RP1: variants seen among roughly 807,000 people sequenced by gnomAD.
RP1 encodes the protein RP1 axonemal microtubule associated.
A neutral mutation model predicts 14.8 loss-of-function variants in RP1; 16 were observed. The observed-to-expected ratio is 1.08, with a 90% CI of 0.73 to 1.65. RP1 has a LOEUF of 1.65. Ranked by LOEUF, RP1 falls within the 40% of genes most tolerant of loss-of-function variation. RP1 has a pLI of 0.00. For missense variants in RP1, 2,631 were observed against 2,535.0 expected (o/e 1.04, Z -0.81); for synonymous variants, 876 against 883.6 (o/e 0.99, Z 0.15).
Position 54,628,750 on chromosome 8 carries a change from A to G in RP1, c.4868A>G (p.Tyr1623Cys). The change falls in exon 4 of 4, where the codon TAT becomes TGT. Residue 1623 changes from tyrosine (Y) to cysteine (C), a missense_variant. Transcript: ENST00000220676. ...DSGELTQEKE[Y>C]NIGFVKRAIE... ...GGCGAACTTACCCAAGAGAAAGAAT[A>G]TAACATAGGATTTGTTAAAAGGGCA... The G allele has an allele frequency of 6.2e-7, 1 of 1,614,130 alleles. No homozygotes were observed. Among genetic ancestry groups the G allele is most frequent in the Non-Finnish European group, 8.5e-7 (1 of 1,179,984 alleles).
At position 54,863,044 on chromosome 8, in the gene RP1, G is replaced by GATATATATATATAT. The variant is rs61233765; in HGVS notation, c.4070-2770_4070-2757dup. ...CTCTACCCCCAGAGTATTCCAAATG[G>GATATATATATATAT]ATATATATATATATATATATATATA... On this transcript the variant is annotated intron_variant, in intron 27 of 28. Coordinates refer to the RP1 transcript ENST00000637698. 1.9e-4 allele frequency among the ~76,000 whole-genome samples: 19 copies of GATATATATATATAT among 101,846 alleles called. 1 individual carries two copies. Among genetic ancestry groups the GATATATATATATAT allele is most frequent in the East Asian group, 6.7e-4 (2 of 2,976 alleles). 66.8% of individuals were successfully genotyped at this position (101,846 alleles called of 152,430 possible).
intron 1 of RP1, among the ~76,000 whole-genome samples, chr8:54,586,422 C>T (rs1804924188): frequency 6.6e-6 from 1 of 152,156 alleles, no homozygotes; most frequent in Non-Finnish European, 1.5e-5. Context: ...GGGGTGCCTC[C>T]CAGTTAGGCT....
intron 3 of RP1, among the ~76,000 whole-genome samples, chr8:54,638,049 C>T (rs535047570): frequency 4.6e-5 from 7 of 152,276 alleles, no homozygotes; most frequent in Non-Finnish European, 1.0e-4. Context: ...CCCTCAGCAA[C>T]ATCCTGGGAA....
chr8:54,856,261 A>G lies in RP1; in HGVS notation c.3991-767A>G, dbSNP rs115412011. On this transcript the variant is annotated intron_variant, in intron 26 of 28. Coordinates refer to the RP1 transcript ENST00000637698. ...CAAGGCAAAACAAAATAAAAGTGCT[A>G]AAAGTCAAGATAGTGGATATCGTTT... Among the ~76,000 whole-genome samples, 167 of 152,252 alleles carry G rather than the reference A, an allele frequency of 1.1e-3. 1 individual carries two copies. The highest frequency in any genetic ancestry group is 3.8e-3 in the African/African-American group (159 of 41,548).
chr8:54,731,280 T>C (rs1808788488), intron 17 of RP1, among the ~76,000 whole-genome samples: 1 of 152,182 alleles, frequency 6.6e-6, no homozygotes, highest in African/African-American at 2.4e-5. Flanking sequence ...TTTAATTAAA[T>C]TGTTCAGTCA....
At chr8:54,761,680 A>C (rs1193538349) in intron 22 of RP1, among the ~76,000 whole-genome samples, 4 of 152,212 alleles carry the variant, frequency 2.6e-5, no homozygotes, top group Non-Finnish European at 5.9e-5. Flanking sequence ...ACAATCCCAA[A>C]TAATGTAACA....
At chr8:54,581,096 C>G (rs775910460) in intron 1 of RP1, among the ~76,000 whole-genome samples, 7 of 152,008 alleles carry the variant, frequency 4.6e-5, no homozygotes, top group Non-Finnish European at 5.9e-5. Flanking sequence ...TGTTGGTGTG[C>G]TGCACCCATT....
At chr8:54,759,175 T>C (rs1809580298) in intron 22 of RP1, 1 of 1,214,208 alleles carries the variant, frequency 8.2e-7, no homozygotes, top group African/African-American at 1.6e-5. Flanking sequence ...TGTGTGTGTG[T>C]ATCTTTTAGG....
chr8:54,580,991 T>C (rs1409523206), intron 1 of RP1, among the ~76,000 whole-genome samples: 1 of 146,272 alleles, frequency 6.8e-6, no homozygotes, highest in Non-Finnish European at 1.6e-5. Context: ...AAATTCTTTT[T>C]ATTTATTTAT....
At chr8:54,829,828 A>G (rs11994117) in intron 24 of RP1, among the ~76,000 whole-genome samples, 46,509 of 152,062 alleles carry the variant, frequency 0.31, 7,313 homozygotes, top group South Asian at 0.37. Flanking sequence ...TTATTTGATC[A>G]AAAATTTACT....
rs180919903 is a variant in RP1 at position 54,636,166 on chromosome 8, A to G, written c.788-12819A>G. On this transcript the variant is annotated intron_variant, in intron 3 of 22. Transcript: ENST00000636932. ...CCTTCTTTTTGGTCAGAGCTATCTT[A>G]GAGAGTGGCTGTCTTGACAGGAATA... 9.2e-5 allele frequency among the ~76,000 whole-genome samples: 14 copies of G among 152,362 alleles called. No individual in the cohort carries two copies. In the East Asian group the frequency reaches 2.3e-3, roughly 25 times the overall value.
At chr8:54,725,937 T>A (rs1808644078) in intron 16 of RP1, among the ~76,000 whole-genome samples, 1 of 152,244 alleles carries the variant, frequency 6.6e-6, no homozygotes, top group Admixed American at 6.5e-5. Context: ...GTGTATATTT[T>A]GTTGATTCAT....
chr8:54,626,361 G>C lies in RP1; in HGVS notation c.2479G>C (p.Glu827Gln), dbSNP rs770102852. 12 of 1,613,254 alleles carry C rather than the reference G, an allele frequency of 7.4e-6. No homozygotes were observed. Among genetic ancestry groups the C allele is most frequent in the Non-Finnish European group, 1.0e-5 (12 of 1,179,844 alleles). The change falls in exon 4 of 4, where the codon GAG becomes CAG. Residue 827 changes from glutamate to glutamine, a missense_variant. Physicochemically the swap from Glu to Gln is conservative, Grantham distance 29. Coordinates refer to ENST00000220676, the MANE Select transcript of RP1 (RefSeq NM_006269.2). ...KSLFHVFNILEQKPKDFYAPQ... is the reference protein window; with the variant it reads ...KSLFHVFNILQQKPKDFYAPQ... ...TTTATTTCATGTATTTAACATCCTT[G>C]AGCAAAAACCCAAAGATTTTTATGC...
At chr8:54,771,258 T>G (rs1337215597), downstream of RP1, among the ~76,000 whole-genome samples, 2 of 152,050 alleles carry the variant, frequency 1.3e-5, no homozygotes, top group Non-Finnish European at 2.9e-5. Flanking sequence ...TCCAGAGGTC[T>G]GTGTCTTACA....
intron 22 of RP1, among the ~76,000 whole-genome samples, chr8:54,764,911 G>GA (rs71554178): frequency 0.021 from 2,378 of 112,168 alleles, 22 homozygotes; most frequent in Non-Finnish European, 0.03. Flanking sequence ...GAGTTAAAAA[G>GA]AAAAAAAAAA....
At chr8:54,830,122 A>C (rs529272812) in intron 24 of RP1, among the ~76,000 whole-genome samples, 1 of 152,176 alleles carries the variant, frequency 6.6e-6, no homozygotes, top group African/African-American at 2.4e-5. Flanking sequence ...TATTGAGAGA[A>C]GATGTTAAAA....
chr8:54,565,183 G>C (rs1804374596), intron 1 of RP1, among the ~76,000 whole-genome samples: 2 of 152,200 alleles, frequency 1.3e-5, no homozygotes. Context: ...GAATGTCCTG[G>C]AGAGAAGTAT....
chr8:54,772,988 T>A (rs1206448144), downstream of RP1, among the ~76,000 whole-genome samples: 1 of 152,138 alleles, frequency 6.6e-6, no homozygotes, highest in East Asian at 1.9e-4. Context: ...TGGGGACAGG[T>A]TGGGTTTTTG....
chr8:54,692,198 T>G (rs1484028950), intron 12 of RP1, among the ~76,000 whole-genome samples: 1 of 151,658 alleles, frequency 6.6e-6, no homozygotes, highest in Non-Finnish European at 1.5e-5. Flanking sequence ...TGCCACATTT[T>G]CTTAATCCAG....
Sources: gnomAD v4.1 joint callset for allele counts (sites outside exome capture counted in the v4.1 genomes callset) on GRCh38, gnomAD v4.1.1 for gene constraint, MANE v1.5 for transcripts, NCBI Gene and HGNC (gene_info 2026-07-23, HGNC 2026-07-21) for gene names.